The following RASAL2 variants were observed in gnomAD, a reference collection of about 807,000 sequenced individuals.
RASAL2 encodes the protein ras GTPase-activating protein nGAP.
RASAL2 carries 58 observed loss-of-function variants against 128.9 expected under a neutral mutation model. The ratio of observed to expected loss-of-function variants is 0.45; its 90% CI spans 0.36 to 0.56. The LOEUF (loss-of-function observed/expected upper bound fraction) is 0.56. RASAL2 is among the 20% of genes least tolerant of loss of function. The probability of loss-of-function intolerance (pLI) is 0.00; values close to 1 mark genes in which losing one functional copy is unlikely to be tolerated. For synonymous variants in RASAL2, 561 were observed against 580.8 expected, an observed-to-expected ratio of 0.97 and a Z score of 0.49; for missense variants, 1,360 against 1,601.6, an observed-to-expected ratio of 0.85 and a Z score of 2.57.
chr1:178,341,692 G>A (rs373981341), intron 3 of RASAL2: 83 of 1,580,100 alleles, frequency 5.3e-5, no homozygotes, highest in Non-Finnish European at 6.7e-5. Context: ...CACAAATGCA[G>A]TGACTATTTA....
At chr1:178,135,623 G>T (rs1660295413) in intron 1 of RASAL2, among the ~76,000 whole-genome samples, 1 of 150,982 alleles carries the variant, frequency 6.6e-6, no homozygotes, top group African/African-American at 2.4e-5. Flanking sequence ...GTATAGAAAA[G>T]AAATAGCATT....
intron 5 of RASAL2, among the ~76,000 whole-genome samples, chr1:178,439,210 G>A (rs1310338251): frequency 6.6e-6 from 1 of 151,968 alleles, no homozygotes; most frequent in Non-Finnish European, 1.5e-5. Flanking sequence ...TTGAAAAAAA[G>A]TGTGTGTGCA....
chr1:178,448,139 G>GT lies in RASAL2; in HGVS notation c.1627+2480dup, dbSNP rs139271171. ...AGGATAGATCTTAGAGTGCACCTGG[G>GT]TTTATGGTATAGAATGAAGAAGAGG... On this transcript the variant is annotated intron_variant, in intron 9 of 17. Transcript: ENST00000367649. Among the ~76,000 whole-genome samples, 492 of 152,194 alleles carry GT rather than the reference G, an allele frequency of 3.2e-3. 8 individuals are homozygous for GT. The highest frequency in any genetic ancestry group is 0.011 in the African/African-American group (456 of 41,524).
Position 178,387,090 on chromosome 1 carries a change from T to A in RASAL2, c.458-3010T>A, listed in dbSNP as rs185809028. On this transcript the variant is annotated intron_variant, in intron 3 of 17. Coordinates refer to ENST00000367649, the MANE Select transcript of RASAL2 (RefSeq NM_170692.4). The stretch of plus-strand genomic sequence containing the variant: ...ATTTTTCTGTATGCTTTGAAGTAGT[T>A]ATGAATCTTCTGAGAACTAAAGAAC... 8.4e-4 allele frequency among the ~76,000 whole-genome samples: 128 copies of A among 152,324 alleles called. 1 individual carries two copies. The Middle Eastern group carries it at 0.02, about 24-fold the overall frequency.
At chr1:178,270,387 A>T (rs1666190009) in intron 1 of RASAL2, among the ~76,000 whole-genome samples, 1 of 149,546 alleles carries the variant, frequency 6.7e-6, no homozygotes, top group African/African-American at 2.5e-5. Flanking sequence ...TGTCTTTTTG[A>T]TCTATTTTCT....
At chr1:178,261,935 G>A (rs967392054) in intron 1 of RASAL2, among the ~76,000 whole-genome samples, 3 of 150,192 alleles carry the variant, frequency 2.0e-5, no homozygotes, top group African/African-American at 2.4e-5. Context: ...AAAAAGTGTT[G>A]ATGTGCTTTG....
intron 4 of RASAL2, among the ~76,000 whole-genome samples, chr1:178,402,631 T>C (rs867392295): frequency 1.3e-5 from 2 of 152,206 alleles, no homozygotes; most frequent in African/African-American, 2.4e-5. Context: ...TCCATCCTGA[T>C]AGACGTTAGT....
intron 4 of RASAL2, 127 bp downstream of exon 4, chr1:178,390,333 T>C (rs1420319823): frequency 9.1e-6 from 6 of 658,796 alleles, no homozygotes; most frequent in Non-Finnish European, 1.3e-5. Flanking sequence ...ATTCTGTGAT[T>C]AAAGGATAGA....
chr1:178,371,541 G>A lies in RASAL2; in HGVS notation c.458-18559G>A, dbSNP rs994402591. Among the ~76,000 whole-genome samples the A allele has an allele frequency of 7.2e-5, 11 of 152,120 alleles. No individual in the cohort carries two copies. The East Asian group carries it at 1.5e-3, about 21-fold the overall frequency. On this transcript the variant is annotated intron_variant, in intron 3 of 17. Coordinates refer to ENST00000367649, the MANE Select transcript of RASAL2 (RefSeq NM_170692.4). ...TCCATTATTGTCGATCAGTGCAGTC[G>A]CCATGCGAGGTGGGGGGAGGAATGG...
chr1:178,415,020 C>A (rs1341620274), intron 4 of RASAL2, among the ~76,000 whole-genome samples: 2 of 151,994 alleles, frequency 1.3e-5, no homozygotes, highest in Non-Finnish European at 2.9e-5. Flanking sequence ...TCATAAGGAA[C>A]CAGCTTTTGA....
At chr1:178,451,494 C>A in intron 9 of RASAL2, 77 bp from the exon 10 acceptor site, 2 of 1,427,502 alleles carry the variant, frequency 1.4e-6, no homozygotes, top group South Asian at 1.5e-5. Context: ...CGTTTTAGGA[C>A]AGAAATCATA....
chr1:178,190,598 C>T (rs1210538862), intron 1 of RASAL2, among the ~76,000 whole-genome samples: 1 of 152,094 alleles, frequency 6.6e-6, no homozygotes, highest in Non-Finnish European at 1.5e-5. Flanking sequence ...GAATAAACTA[C>T]GTGCAAAGTA....
chr1:178,240,879 A>G (rs1571686410), intron 1 of RASAL2, among the ~76,000 whole-genome samples: 1 of 151,406 alleles, frequency 6.6e-6, no homozygotes, highest in East Asian at 1.9e-4. Context: ...AGATTTTGTT[A>G]GTTTTTAAGG....
At chr1:178,417,868 T>G (rs1388649118) in intron 4 of RASAL2, among the ~76,000 whole-genome samples, 1 of 152,134 alleles carries the variant, frequency 6.6e-6, no homozygotes, top group African/African-American at 2.4e-5. Flanking sequence ...AACTGTATTT[T>G]CATTAGAAAT....
At chr1:178,235,401 T>C (rs7551552) in intron 1 of RASAL2, among the ~76,000 whole-genome samples, 16,575 of 152,174 alleles carry the variant, frequency 0.11, 1,154 homozygotes, top group African/African-American at 0.19. Flanking sequence ...TGTCCCTGCA[T>C]TTTACACATA....
At chr1:178,168,288 CTG>C (rs1199837220) in intron 1 of RASAL2, among the ~76,000 whole-genome samples, 1 of 147,074 alleles carries the variant, frequency 6.8e-6, no homozygotes, top group African/African-American at 2.5e-5. Context: ...AAAAAAAAAA[CTG>C]TAGACCAGAA....
intron 1 of RASAL2, among the ~76,000 whole-genome samples, chr1:178,253,714 T>C (rs1361583770): frequency 6.6e-6 from 1 of 152,170 alleles, no homozygotes; most frequent in South Asian, 2.1e-4. Context: ...GGGAGCTTTC[T>C]GAGCCAGGAT....
At chr1:178,101,920 T>G (rs949269338) in intron 1 of RASAL2, among the ~76,000 whole-genome samples, 1 of 152,146 alleles carries the variant, frequency 6.6e-6, no homozygotes, top group African/African-American at 2.4e-5. Context: ...GAAATACCAT[T>G]ACCTAGGTAA....
At chr1:178,102,644 CTT>C (rs1658946816) in intron 1 of RASAL2, among the ~76,000 whole-genome samples, 1 of 151,756 alleles carries the variant, frequency 6.6e-6, no homozygotes, top group Non-Finnish European at 1.5e-5. Flanking sequence ...CTTTTTTTCT[CTT>C]AAGTGTATTT....
Sources: allele counts gnomAD v4.1 joint callset (sites outside exome capture counted in the v4.1 genomes callset), GRCh38; gene constraint gnomAD v4.1.1; transcripts MANE v1.5; gene names NCBI Gene and HGNC (gene_info 2026-07-23, HGNC 2026-07-21).